The following SPAG9 variants were observed in gnomAD, a reference collection of about 807,000 sequenced individuals.
SPAG9 encodes sperm associated antigen 9.
In SPAG9, 35 loss-of-function variants were observed where a neutral mutation model predicts 166.5. The observed-to-expected ratio is 0.21, with a 90% confidence interval of 0.16 to 0.28. The LOEUF is 0.28. Among genes scored for constraint, SPAG9 ranks in the 10% least tolerant of loss-of-function variants. SPAG9 has a pLI of 1.00. For synonymous variants in SPAG9, 534 were observed against 565.5 expected, an observed-to-expected ratio of 0.94 and a Z score of 0.79; for missense variants, 1,235 against 1,603.3, an observed-to-expected ratio of 0.77 and a Z score of 3.92.
At chr17:51,079,888 GA>G (rs2048113660) in intron 1 of SPAG9, among the ~76,000 whole-genome samples, 184 bp from the exon 2 acceptor site, 1 of 151,784 alleles carries the variant, frequency 6.6e-6, no homozygotes, top group African/African-American at 2.4e-5. Flanking sequence ...AAATATAGAA[GA>G]AAAAAATAAC....
chr17:51,005,630 C>T (rs949164544), intron 11 of SPAG9, among the ~76,000 whole-genome samples: 3 of 152,226 alleles, frequency 2.0e-5, no homozygotes, highest in Admixed American at 6.5e-5. Flanking sequence ...GCAGGTGGAT[C>T]ACCTGAGGTC....
At chr17:51,036,693 C>T (rs1215718084) in intron 5 of SPAG9, among the ~76,000 whole-genome samples, 1 of 151,922 alleles carries the variant, frequency 6.6e-6, no homozygotes, top group East Asian at 1.9e-4. Flanking sequence ...CAGGGATGTC[C>T]TTAATGTTGC....
At chr17:51,036,613 GA>G in intron 5 of SPAG9, among the ~76,000 whole-genome samples, 1 of 152,042 alleles carries the variant, frequency 6.6e-6, no homozygotes, top group Non-Finnish European at 1.5e-5. Context: ...CTATACCTGG[GA>G]CCTCTCCTTG....
At chr17:51,069,485 G>A (rs1032872225) in intron 2 of SPAG9, among the ~76,000 whole-genome samples, 1 of 152,034 alleles carries the variant, frequency 6.6e-6, no homozygotes, top group Non-Finnish European at 1.5e-5. Flanking sequence ...GATATGAAAT[G>A]ATACTTGGCA....
intron 3 of SPAG9, among the ~76,000 whole-genome samples, chr17:51,054,398 CA>C (rs2047300082): frequency 6.6e-6 from 1 of 151,036 alleles, no homozygotes; most frequent in African/African-American, 2.4e-5. Context: ...GCTAGGATTA[CA>C]GGCATGAGCC....
chr17:51,089,627 T>C, intron 1 of SPAG9, among the ~76,000 whole-genome samples: 2 of 61,504 alleles, frequency 3.3e-5, no homozygotes, highest in South Asian at 8.7e-4. Context: ...ATTTTATATA[T>C]ATATATATAT....
In SPAG9 at chr17:51,014,289, G is replaced by A. The variant is rs772894832; in HGVS notation, c.1156C>T (p.Leu386=). 1.3e-5 allele frequency: 21 copies of A among 1,613,000 alleles called. No individual in the cohort carries two copies. The East Asian group carries it at 4.7e-4, about 36-fold the overall frequency. ...DRNTESLFEE[L]SSAGSGLIGD... ...ATTAGGCCTGAGCCAGCTGAAGACA[G>A]TTCTTCAAAGAGAGATTCTGTATTG... The change falls in exon 9 of 30, where the codon CTG becomes TTG. Residue 386 remains leucine (L), a synonymous_variant. Transcript: ENST00000262013.
intron 14 of SPAG9, 82 bp downstream of exon 14, chr17:50,999,579 T>C (rs2044838296): frequency 6.8e-7 from 1 of 1,476,950 alleles, no homozygotes; most frequent in Non-Finnish European, 9.3e-7. Context: ...AAAATGGACA[T>C]AAAATCATTC....
chr17:51,067,715 A>AT (rs1423529914), intron 2 of SPAG9, among the ~76,000 whole-genome samples: 1 of 152,196 alleles, frequency 6.6e-6, no homozygotes, highest in East Asian at 1.9e-4. Context: ...GAGTAAAAAA[A>AT]AAAAGGCAAA....
chr17:51,099,772 A>C (rs929045811), intron 1 of SPAG9, among the ~76,000 whole-genome samples: 3 of 149,690 alleles, frequency 2.0e-5, no homozygotes, highest in African/African-American at 4.9e-5. Flanking sequence ...AAAAAAAAAA[A>C]AAAAAAAAAA....
At chr17:51,056,229 A>G (rs2047359176) in intron 3 of SPAG9, among the ~76,000 whole-genome samples, 183 bp downstream of exon 3, 1 of 152,226 alleles carries the variant, frequency 6.6e-6, no homozygotes, top group East Asian at 1.9e-4. Flanking sequence ...GCTAATTCCA[A>G]GAAAAGTTGA....
chr17:51,090,252 TG>T (rs2048429489), intron 1 of SPAG9, among the ~76,000 whole-genome samples: 1 of 152,110 alleles, frequency 6.6e-6, no homozygotes, highest in African/African-American at 2.4e-5. Context: ...CCAGGTGCGG[TG>T]GCTCAAGCCT....
At chr17:51,045,809 C>T (rs1023639161) in intron 4 of SPAG9, among the ~76,000 whole-genome samples, 9 of 152,016 alleles carry the variant, frequency 5.9e-5, no homozygotes, top group African/African-American at 1.9e-4. Flanking sequence ...TTAATGACTA[C>T]CCCCACAAGC....
intron 28 of SPAG9, among the ~76,000 whole-genome samples, chr17:50,973,376 T>G (rs981599192): frequency 1.3e-5 from 2 of 152,192 alleles, no homozygotes; most frequent in African/African-American, 4.8e-5. Context: ...ATTTCATTTT[T>G]TTTTAAGCAA....
chr17:51,105,036 C>T (rs899730121), intron 1 of SPAG9, among the ~76,000 whole-genome samples: 21 of 151,756 alleles, frequency 1.4e-4, no homozygotes, highest in Admixed American at 2.6e-4. Context: ...GCAGAGCTTG[C>T]AGTGAGCCGA....
chr17:51,068,957 T>G (rs1214298088), intron 2 of SPAG9, among the ~76,000 whole-genome samples: 5 of 152,160 alleles, frequency 3.3e-5, no homozygotes, highest in Non-Finnish European at 7.4e-5. Flanking sequence ...ATGTTAGTGT[T>G]TGCAAAAACT....
chr17:51,077,215 C>A (rs75069028), intron 2 of SPAG9, among the ~76,000 whole-genome samples: 8 of 150,500 alleles, frequency 5.3e-5, no homozygotes, highest in African/African-American at 2.0e-4. Flanking sequence ...CCTCCACCTC[C>A]CGGGGTCAAG....
Position 51,021,354 on chromosome 17 carries a change from A to G in SPAG9, c.795T>C (p.Ser265=). ...QKAVEQEDEL[S]DVSQGGSKAT... is the part of the protein sequence containing the mutation. ...CTTTAGATCCGCCTTGGCTAACATC[A>G]GAAAGCTCATCCTACAAATAAAAAT... is the stretch of plus-strand genomic sequence containing the variant. Residue 265 remains serine, a synonymous_variant, in exon 7 of 30, where the codon TCT becomes TCC. Transcript: ENST00000262013. The G allele has an allele frequency of 6.2e-7, 1 of 1,608,974 alleles. No homozygotes were observed. Among genetic ancestry groups the G allele is most frequent in the Non-Finnish European group, 8.5e-7 (1 of 1,177,406 alleles).
At chr17:50,968,794 G>A (rs1247365122) in intron 29 of SPAG9, among the ~76,000 whole-genome samples, 1 of 152,036 alleles carries the variant, frequency 6.6e-6, no homozygotes, top group African/African-American at 2.4e-5. Context: ...AATTTACAAA[G>A]CACTACTCTT....
Sources: allele counts gnomAD v4.1 joint callset (sites outside exome capture counted in the v4.1 genomes callset), GRCh38; gene constraint gnomAD v4.1.1; transcripts MANE v1.5; gene names NCBI Gene and HGNC (gene_info 2026-07-23, HGNC 2026-07-21).